The following ATP10D variants were observed in gnomAD, a reference collection of about 807,000 sequenced individuals.
The protein encoded by ATP10D is phospholipid-transporting ATPase VD.
Under a neutral mutation model 144.8 loss-of-function variants are expected in ATP10D, and 89 were observed. That is an observed-to-expected ratio of 0.61 (90% CI 0.52 to 0.73). ATP10D has a LOEUF of 0.73. Among genes scored for constraint, ATP10D ranks in the 30% least tolerant of loss-of-function variants. ATP10D has a pLI of 0.00. For missense variants in ATP10D, 1,603 were observed against 1,714.8 expected, an observed-to-expected ratio of 0.93 and a Z score of 1.15; for synonymous variants, 571 against 615.1, an observed-to-expected ratio of 0.93 and a Z score of 1.06.
chr4:47,581,235 A>G (rs1720499852), intron 20 of ATP10D, among the ~76,000 whole-genome samples: 2 of 152,250 alleles, frequency 1.3e-5, no homozygotes. Context: ...CAAAGCAAAA[A>G]AAGTATAAAC....
intron 16 of ATP10D, 139 bp downstream of exon 16, chr4:47,569,285 C>A: frequency 1.0e-6 from 1 of 994,092 alleles, no homozygotes; most frequent in Non-Finnish European, 1.4e-6. Context: ...GCCTTCCCAT[C>A]ACCTATTTGA....
At chr4:47,506,516 T>A (rs1257367878) in intron 1 of ATP10D, among the ~76,000 whole-genome samples, 3 of 152,218 alleles carry the variant, frequency 2.0e-5, no homozygotes, top group Non-Finnish European at 4.4e-5. Context: ...GGAAAATTAA[T>A]ATCTAGCATC....
intron 16 of ATP10D, among the ~76,000 whole-genome samples, chr4:47,571,501 A>T (rs377246370): frequency 1.3e-5 from 2 of 152,276 alleles, no homozygotes; most frequent in East Asian, 3.9e-4. Flanking sequence ...GGTTCACCCT[A>T]ACAAACCACA....
Position 47,590,978 on chromosome 4 carries a change from G to GC in ATP10D, c.3942-64_3942-63insC, listed in dbSNP as rs1375207086. 18 of 1,088,414 alleles carry GC rather than the reference G, an allele frequency of 1.7e-5. No individual in the cohort carries two copies. The African/African-American group carries it at 3.0e-4, about 18-fold the overall frequency. The allele number at this position is 1,088,414 out of a possible 1,614,324, so 67.4% of individuals were successfully genotyped here. On this transcript the variant is annotated intron_variant, in intron 22 of 22. Coordinates refer to ENST00000273859, the MANE Select transcript of ATP10D (RefSeq NM_020453.4). ...TACTTTTTTAATTCGTTAGTATTTG[G>GC]GGGGGGGGGTTCTGTAATGCATTTG...
chr4:47,488,736 G>A (rs1196005125), intron 1 of ATP10D, among the ~76,000 whole-genome samples: 5 of 151,662 alleles, frequency 3.3e-5, no homozygotes, highest in Non-Finnish European at 5.9e-5. Context: ...CTCCCTTTCT[G>A]AATTCGTATG....
At chr4:47,518,991 A>G (rs1164074473) in intron 3 of ATP10D, among the ~76,000 whole-genome samples, 2 of 152,202 alleles carry the variant, frequency 1.3e-5, no homozygotes, top group Admixed American at 1.3e-4. Flanking sequence ...GATACCAACC[A>G]CAACATTGAT....
chr4:47,489,177 G>A lies in ATP10D; in HGVS notation c.-38+3658G>A, dbSNP rs183230336. Reference sequence around the variant, plus strand: ...TAATTGTCTAAGGTTAGGGTAGAGGGGATGTTAACCTCCCAATAATCAAAG... The same window carrying A: ...TAATTGTCTAAGGTTAGGGTAGAGGAGATGTTAACCTCCCAATAATCAAAG... On this transcript the variant is annotated intron_variant, in intron 1 of 22. Coordinates refer to ENST00000273859, the MANE Select transcript of ATP10D (RefSeq NM_020453.4). Among the ~76,000 whole-genome samples the A allele has an allele frequency of 3.1e-3, 478 of 152,190 alleles. 2 individuals carry two copies. The highest frequency in any genetic ancestry group is 0.01 in the African/African-American group (430 of 41,518).
intron 17 of ATP10D, 24 bp downstream of exon 17, chr4:47,572,254 G>A: frequency 1.2e-6 from 2 of 1,608,072 alleles, no homozygotes; most frequent in Non-Finnish European, 1.7e-6. Context: ...GTGCACCCAA[G>A]TTCTGTGGCC....
intron 16 of ATP10D, among the ~76,000 whole-genome samples, chr4:47,571,695 T>C (rs1577697283): frequency 6.6e-6 from 1 of 151,968 alleles, no homozygotes; most frequent in African/African-American, 2.4e-5. Context: ...TAGAGATACA[T>C]AGGGTGGTGC....
intron 9 of ATP10D, among the ~76,000 whole-genome samples, chr4:47,542,770 G>T (rs1490497414): frequency 6.6e-6 from 1 of 152,132 alleles, no homozygotes; most frequent in African/African-American, 2.4e-5. Flanking sequence ...TGAGCCACCG[G>T]GCCTGGCCTA....
chr4:47,525,463 G>A (rs1717192269), intron 4 of ATP10D, 94 bp from the exon 5 acceptor site: 1 of 890,674 alleles, frequency 1.1e-6, no homozygotes, highest in South Asian at 1.5e-5. Context: ...AAAAGGCTTA[G>A]CATTATTTTA....
chr4:47,517,005 A>C (rs7681149), intron 3 of ATP10D, among the ~76,000 whole-genome samples: 2 of 152,124 alleles, frequency 1.3e-5, no homozygotes, highest in African/African-American at 4.8e-5. Context: ...TACAATGATT[A>C]TGTGATGAAC....
chr4:47,585,152 ATGTT>A (rs1305785410), intron 21 of ATP10D, among the ~76,000 whole-genome samples: 3 of 152,086 alleles, frequency 2.0e-5, no homozygotes, highest in African/African-American at 7.2e-5. Flanking sequence ...TGATGCTATT[ATGTT>A]TTATCACAGT....
chr4:47,536,330 T>C, intron 7 of ATP10D, 107 bp from the exon 8 acceptor site: 15 of 1,392,862 alleles, frequency 1.1e-5, no homozygotes, highest in African/African-American at 1.4e-5. Flanking sequence ...AAACAGTTGA[T>C]GTCCAACCAA....
chr4:47,541,775 G>A (rs1319654196), intron 9 of ATP10D, among the ~76,000 whole-genome samples: 1 of 152,144 alleles, frequency 6.6e-6, no homozygotes, highest in African/African-American at 2.4e-5. Flanking sequence ...CAAGTAACAG[G>A]CTATAGGAAG....
At chr4:47,490,715 G>A (rs1472745619) in intron 1 of ATP10D, among the ~76,000 whole-genome samples, 1 of 152,228 alleles carries the variant, frequency 6.6e-6, no homozygotes, top group Non-Finnish European at 1.5e-5. Flanking sequence ...CGAGAGTGTG[G>A]CTCATGCCAG....
chr4:47,527,948 GC>G (rs1191830120), intron 5 of ATP10D, among the ~76,000 whole-genome samples: 2 of 152,084 alleles, frequency 1.3e-5, no homozygotes, highest in African/African-American at 2.4e-5. Flanking sequence ...AATGCTCATA[GC>G]AGCTTTATTT....
chr4:47,535,441 A>G (rs572816613), intron 5 of ATP10D, 68 bp from the exon 6 acceptor site: 5 of 1,235,078 alleles, frequency 4.0e-6, no homozygotes, highest in East Asian at 2.6e-5. Context: ...TTCAAGGGCC[A>G]TGAGATTTAT....
At chr4:47,585,704 G>A (rs747597737) in intron 21 of ATP10D, among the ~76,000 whole-genome samples, 2 of 151,960 alleles carry the variant, frequency 1.3e-5, no homozygotes, top group Non-Finnish European at 2.9e-5. Flanking sequence ...GAGTTCAATT[G>A]ATTTGATTTT....
Sources: gnomAD v4.1 joint callset for allele counts (sites outside exome capture counted in the v4.1 genomes callset) on GRCh38, gnomAD v4.1.1 for gene constraint, MANE v1.5 for transcripts, NCBI Gene and HGNC (gene_info 2026-07-23, HGNC 2026-07-21) for gene names.